Variants in MPP4 observed in about 807,000 individuals in gnomAD.
MPP4 encodes the protein MAGUK p55 scaffold protein 4.
In MPP4, 91 loss-of-function variants were observed where a neutral mutation model predicts 98.3. The observed-to-expected ratio is 0.93, with a 90% confidence interval of 0.78 to 1.10. The LOEUF (loss-of-function observed/expected upper bound fraction) is 1.10, where lower values mean the gene tolerates loss of function less well. Ranked by LOEUF, MPP4 falls within the 50% of genes least tolerant of loss-of-function variation. The pLI, the probability that MPP4 is intolerant of heterozygous loss-of-function variation, is 0.00. For missense variants in MPP4, 744 were observed against 792.9 expected (o/e 0.94, Z 0.74); for synonymous variants, 261 against 271.8 (o/e 0.96, Z 0.39).
At chr2:201,647,355 CA>C (rs145420500) in intron 21 of MPP4, among the ~76,000 whole-genome samples, 2,147 of 151,088 alleles carry the variant, frequency 0.014, 25 homozygotes, top group East Asian at 0.043. Flanking sequence ...AAGCTAGACC[CA>C]AAAAAATAAG....
intron 1 of MPP4, chr2:201,697,812 A>C: frequency 2.0e-6 from 1 of 491,612 alleles, no homozygotes; most frequent in Non-Finnish European, 2.6e-6. Flanking sequence ...CAGATAAGGA[A>C]TCTGACATTC....
Position 201,685,881 on chromosome 2 carries a change from C to G in MPP4, c.492+38G>C, listed in dbSNP as rs760850760. The G allele has an allele frequency of 5.0e-6, 8 of 1,600,622 alleles. No individual in the cohort carries two copies. In the South Asian group the frequency reaches 8.9e-5, roughly 18 times the overall value. ...TAATTTGGTTCACAATTAACCTAAG[C>G]TTACCCTAAATGGAAAGATAAAAAA... On this transcript the variant is annotated intron_variant, in intron 6 of 21. Transcript: ENST00000409474.
rs544433377 is a variant in MPP4, at chr2:201,697,761, A to G, written c.-101+826T>C. Among the ~76,000 whole-genome samples the G allele has an allele frequency of 2.6e-5, 4 of 152,334 alleles. 1 individual carries two copies. The highest frequency in any genetic ancestry group is 2.6e-4 in the Admixed American group (4 of 15,304). On this transcript the variant is annotated intron_variant, in intron 1 of 21. Transcript: ENST00000409474. ...ATCAAACTTTAAAACTGGGGGCAGAAGCGGATCTTAGAGATAATCAAATGC... is the reference window on the plus strand; with the variant it reads ...ATCAAACTTTAAAACTGGGGGCAGAGGCGGATCTTAGAGATAATCAAATGC...
At chr2:201,692,656 C>A (rs1027160622) in intron 3 of MPP4, among the ~76,000 whole-genome samples, 1 of 152,088 alleles carries the variant, frequency 6.6e-6, no homozygotes, top group African/African-American at 2.4e-5. Context: ...AGAGAGCTGG[C>A]TAGCCCCTTC....
chr2:201,659,164 G>A (rs1265743216), intron 15 of MPP4, among the ~76,000 whole-genome samples: 2 of 152,120 alleles, frequency 1.3e-5, no homozygotes, highest in Non-Finnish European at 2.9e-5. Flanking sequence ...CCAAACTGCT[G>A]GGATTACAGG....
At chr2:201,670,384 T>C (rs1178739754) in intron 11 of MPP4, among the ~76,000 whole-genome samples, 2 of 152,280 alleles carry the variant, frequency 1.3e-5, no homozygotes, top group South Asian at 2.1e-4. Flanking sequence ...ATCTTTCTAG[T>C]AGTTTAAAAA....
intron 11 of MPP4, chr2:201,674,977 T>A (rs1469093423): frequency 1.5e-6 from 1 of 659,012 alleles, no homozygotes. Context: ...TCGTCTCTGA[T>A]CCAACCAATC....
At chr2:201,680,685 G>A (rs139071440) in intron 10 of MPP4, 153 bp downstream of exon 10, 15 of 642,898 alleles carry the variant, frequency 2.3e-5, no homozygotes, top group African/African-American at 5.5e-5. Context: ...AGGGTTTATC[G>A]ATAAGTTGAC....
Position 201,655,198 on chromosome 2 carries a change from G to A in MPP4, c.1301-281C>T, listed in dbSNP as rs906781575. ...AACTTCATCTAATGTTGAATGCCAT[G>A]AGAATTAGCTGGTCTCATTTTAGAG... On this transcript the variant is annotated intron_variant, in intron 17 of 21. Coordinates refer to ENST00000409474, the MANE Select transcript of MPP4 (RefSeq NM_033066.3). Among the ~76,000 whole-genome samples the A allele has an allele frequency of 6.6e-5, 10 of 152,204 alleles. No homozygotes were observed. In the South Asian group the frequency reaches 8.3e-4, roughly 13 times the overall value.
At chr2:201,676,233 G>C (rs575954368) in intron 10 of MPP4, among the ~76,000 whole-genome samples, 2 of 152,338 alleles carry the variant, frequency 1.3e-5, no homozygotes, top group East Asian at 3.9e-4. Flanking sequence ...CAAGAGAGTT[G>C]AAGAAGGGCC....
chr2:201,694,445 T>G (rs1399574212), intron 1 of MPP4, among the ~76,000 whole-genome samples: 1 of 152,106 alleles, frequency 6.6e-6, no homozygotes, highest in South Asian at 2.1e-4. Context: ...ATAGAAGAAC[T>G]AGCTGGTCTG....
In MPP4 at chr2:201,698,607, A is replaced by G; in HGVS notation, c.-121T>C. Reference sequence around the variant, plus strand: ...CTTACCTGCAAGACTGTAAACATGCATGTTGCTCCTATCCAGACAAAAGCT... The same window carrying G: ...CTTACCTGCAAGACTGTAAACATGCGTGTTGCTCCTATCCAGACAAAAGCT... On this transcript the variant is annotated 5_prime_UTR_variant, in exon 1 of 22. It removes an upstream start codon present in the reference 5' UTR. Transcript: ENST00000409474. 1 of 1,303,974 alleles carries G rather than the reference A, an allele frequency of 7.7e-7. No individual in the cohort carries two copies. Among genetic ancestry groups the G allele is most frequent in the Non-Finnish European group, 1.0e-6 (1 of 988,832 alleles). 80.8% of individuals were successfully genotyped at this position (1,303,974 alleles called of 1,614,324 possible). A position where few individuals can be genotyped will look rare whatever the true frequency, so the allele number is the denominator to read the frequency against.
At chr2:201,651,540 A>G in intron 18 of MPP4, 2 of 985,438 alleles carry the variant, frequency 2.0e-6, no homozygotes, top group Non-Finnish European at 2.4e-6. Flanking sequence ...TTAAAACCTC[A>G]ATTTAAAAAG....
rs1687610003 is a variant in MPP4, at chr2:201,647,901, G to A, written c.1585-76C>T. ...GACATGGTCTTGCTCTGTCACCCAG[G>A]CTGGAGTGCTGTGGTGCAATCACAG... On this transcript the variant is annotated intron_variant, in intron 20 of 21. Transcript: ENST00000409474. 15 of 1,412,674 alleles carry A rather than the reference G, an allele frequency of 1.1e-5. 1 individual carries two copies. The highest frequency in any genetic ancestry group is 9.3e-5 in the South Asian group (7 of 75,638). The allele number at this position is 1,412,674 out of a possible 1,614,324, so 87.5% of individuals were successfully genotyped here.
At chr2:201,694,379 G>A (rs1006067822) in intron 1 of MPP4, among the ~76,000 whole-genome samples, 7 of 152,124 alleles carry the variant, frequency 4.6e-5, no homozygotes, top group East Asian at 1.9e-4. Flanking sequence ...AAAGTCTTGC[G>A]TGGACCAGCT....
chr2:201,682,220 T>C (rs1279369606), intron 8 of MPP4, among the ~76,000 whole-genome samples: 2 of 152,184 alleles, frequency 1.3e-5, no homozygotes, highest in African/African-American at 4.8e-5. Flanking sequence ...ATCTGTGATT[T>C]CTAGTACTTC....
intron 21 of MPP4, 83 bp downstream of exon 21, chr2:201,647,608 G>C: frequency 1.4e-6 from 2 of 1,476,356 alleles, no homozygotes. Context: ...AATGAGATCA[G>C]AGATCCTTGG....
intron 1 of MPP4, 75 bp from the exon 2 acceptor site, chr2:201,694,129 AAC>A (rs1689111845): frequency 6.4e-6 from 9 of 1,406,928 alleles, no homozygotes; most frequent in African/African-American, 5.7e-5. Flanking sequence ...CATCAAATGA[AAC>A]ACAGTCTTCC....
At chr2:201,680,605 GT>G in intron 10 of MPP4, 1 of 477,120 alleles carries the variant, frequency 2.1e-6, no homozygotes, top group Non-Finnish European at 3.7e-6. Flanking sequence ...GTTTAATTTA[GT>G]TTCCCAAGAC....
Sources: gnomAD v4.1 joint callset for allele counts (sites outside exome capture counted in the v4.1 genomes callset) on GRCh38, gnomAD v4.1.1 for gene constraint, MANE v1.5 for transcripts, NCBI Gene and HGNC (gene_info 2026-07-23, HGNC 2026-07-21) for gene names.